ZNF438: variants seen among roughly 807,000 people sequenced by gnomAD.
The protein encoded by ZNF438 is zinc finger protein 438.
A neutral mutation model predicts 38.0 loss-of-function variants in ZNF438; 25 were observed. The observed-to-expected ratio is 0.66, with a 90% CI of 0.48 to 0.92. The LOEUF is 0.92. Among genes scored for constraint, ZNF438 ranks in the 40% least tolerant of loss-of-function variants. The probability of loss-of-function intolerance (pLI) is 0.00; values close to 1 mark genes in which losing one functional copy is unlikely to be tolerated. For synonymous variants in ZNF438, 372 were observed against 364.1 expected (o/e 1.02, Z -0.25); for missense variants, 1,007 against 999.6 (o/e 1.01, Z -0.10).
chr10:30,969,490 T>C (rs2050511895), intron 1 of ZNF438, among the ~76,000 whole-genome samples: 1 of 152,234 alleles, frequency 6.6e-6, no homozygotes, highest in African/African-American at 2.4e-5. Context: ...GCTCATTCTT[T>C]CCATGAATTC....
intron 1 of ZNF438, among the ~76,000 whole-genome samples, chr10:31,015,274 T>C (rs2056104937): frequency 6.6e-6 from 1 of 152,212 alleles, no homozygotes. Flanking sequence ...CTGTCATTAT[T>C]ACCAGTGATA....
At chr10:30,940,879 A>G (rs961546822) in intron 2 of ZNF438, among the ~76,000 whole-genome samples, 3 of 152,156 alleles carry the variant, frequency 2.0e-5, no homozygotes, top group Non-Finnish European at 4.4e-5. Context: ...TTAAATAAGA[A>G]CATATAAATA....
chr10:30,863,411 G>A (rs2035908070), intron 4 of ZNF438, among the ~76,000 whole-genome samples: 1 of 152,218 alleles, frequency 6.6e-6, no homozygotes, highest in Non-Finnish European at 1.5e-5. Flanking sequence ...TACAGATCCT[G>A]TCGTGTGACT....
chr10:31,009,461 C>T (rs749402349), intron 1 of ZNF438, among the ~76,000 whole-genome samples: 1 of 152,190 alleles, frequency 6.6e-6, no homozygotes, highest in Non-Finnish European at 1.5e-5. Context: ...TATTATACAA[C>T]CTAACAATAT....
intron 1 of ZNF438, among the ~76,000 whole-genome samples, chr10:31,014,364 T>C (rs1002663578): frequency 2.0e-5 from 3 of 152,232 alleles, no homozygotes; most frequent in Non-Finnish European, 1.5e-5. Flanking sequence ...GGGCCACTTC[T>C]GGGCTTGCAG....
At chr10:30,895,845 GA>G (rs2134124556) in intron 3 of ZNF438, among the ~76,000 whole-genome samples, 1 of 152,162 alleles carries the variant, frequency 6.6e-6, no homozygotes, top group South Asian at 2.1e-4. Flanking sequence ...ACAAAACTGA[GA>G]AAATAACAAA....
At chr10:30,970,900 C>G (rs1049415563) in intron 1 of ZNF438, among the ~76,000 whole-genome samples, 2 of 152,176 alleles carry the variant, frequency 1.3e-5, no homozygotes, top group East Asian at 3.9e-4. Context: ...TCAAATAGGA[C>G]ACATACTACC....
At chr10:30,892,280 T>G (rs1015657705) in intron 3 of ZNF438, among the ~76,000 whole-genome samples, 2 of 152,150 alleles carry the variant, frequency 1.3e-5, no homozygotes, top group African/African-American at 4.8e-5. Context: ...GAAGTTTAAT[T>G]TATAAATTAG....
At chr10:30,847,676 C>T (rs764966611) in intron 5 of ZNF438, among the ~76,000 whole-genome samples, 3 of 152,228 alleles carry the variant, frequency 2.0e-5, no homozygotes, top group Non-Finnish European at 4.4e-5. Context: ...AGGGCAGTGA[C>T]TCCCTAGTCT....
exon 5 of ZNF438, chr10:30,849,048 G>C (rs765979255): frequency 5.0e-6 from 8 of 1,614,140 alleles, no homozygotes; most frequent in Non-Finnish European, 6.8e-6. Flanking sequence ...AGTGTAGTTG[G>C]AGAAGCCAGG....
intron 1 of ZNF438, among the ~76,000 whole-genome samples, chr10:30,973,705 C>T (rs941946482): frequency 1.3e-5 from 2 of 152,120 alleles, no homozygotes; most frequent in African/African-American, 2.4e-5. Flanking sequence ...AGAAGAAAAG[C>T]GACCAAAGCC....
chr10:30,857,602 T>A, intron 4 of ZNF438: 1 of 1,181,340 alleles, frequency 8.5e-7, no homozygotes, highest in African/African-American at 1.5e-5. Context: ...GAAAGCCCAC[T>A]TATTAGAGAT....
intron 3 of ZNF438, among the ~76,000 whole-genome samples, chr10:30,886,670 T>C (rs985526802): frequency 6.6e-6 from 1 of 152,214 alleles, no homozygotes; most frequent in Non-Finnish European, 1.5e-5. Context: ...CTAAAAGTGA[T>C]AAACAGAATG....
At chr10:30,913,337 C>A (rs1441347458) in intron 2 of ZNF438, among the ~76,000 whole-genome samples, 1 of 152,018 alleles carries the variant, frequency 6.6e-6, no homozygotes, top group Non-Finnish European at 1.5e-5. Flanking sequence ...CCATTCTCCA[C>A]TTGGCTTGAT....
chr10:30,877,005 T>C (rs765199717), exon 4 of ZNF438: 1 of 1,606,058 alleles, frequency 6.2e-7, no homozygotes, highest in South Asian at 1.1e-5. Context: ...TACCTTCATC[T>C]TTTGGTGGTA....
intron 1 of ZNF438, among the ~76,000 whole-genome samples, chr10:30,988,043 A>G (rs2053045773): frequency 6.6e-6 from 1 of 152,232 alleles, no homozygotes; most frequent in Non-Finnish European, 1.5e-5. Flanking sequence ...TAAGATGTTT[A>G]AAAGATTTCC....
intron 1 of ZNF438, among the ~76,000 whole-genome samples, chr10:30,972,164 T>C (rs900263529): frequency 6.6e-6 from 1 of 152,160 alleles, no homozygotes; most frequent in Admixed American, 6.5e-5. Flanking sequence ...AGATACGGGG[T>C]TTCACCTTGT....
At chr10:30,868,211 A>G (rs997840016) in intron 4 of ZNF438, among the ~76,000 whole-genome samples, 1 of 152,028 alleles carries the variant, frequency 6.6e-6, no homozygotes, top group Non-Finnish European at 1.5e-5. Flanking sequence ...CTGGGATTAC[A>G]GGTGCCCGCC....
At chr10:30,915,037 C>T (rs1363509241) in intron 2 of ZNF438, among the ~76,000 whole-genome samples, 1 of 151,924 alleles carries the variant, frequency 6.6e-6, no homozygotes, top group Non-Finnish European at 1.5e-5. Flanking sequence ...ACCTACAATT[C>T]TAATAGGCTT....
Sources: allele counts gnomAD v4.1 joint callset (sites outside exome capture counted in the v4.1 genomes callset), GRCh38; gene constraint gnomAD v4.1.1; transcripts MANE v1.5; gene names NCBI Gene and HGNC (gene_info 2026-07-23, HGNC 2026-07-21).